GABBR2: variants seen among roughly 807,000 people sequenced by gnomAD.
GABBR2 encodes G-protein coupled receptor 51.
In GABBR2, 23 loss-of-function variants were observed where a neutral mutation model predicts 105.6. The ratio of observed to expected loss-of-function variants is 0.22; its 90% confidence interval spans 0.16 to 0.31. The LOEUF is 0.31. Ranked by LOEUF, GABBR2 falls within the 10% of genes least tolerant of loss-of-function variation. The probability of loss-of-function intolerance (pLI) is 1.00; values close to 1 mark genes in which losing one functional copy is unlikely to be tolerated. For synonymous variants in GABBR2, 478 were observed against 499.7 expected (o/e 0.96, Z 0.58); for missense variants, 734 against 1,245.5 (o/e 0.59, Z 6.18).
chr9:98,512,854 C>A (rs1347312771), intron 3 of GABBR2, among the ~76,000 whole-genome samples: 1 of 152,156 alleles, frequency 6.6e-6, no homozygotes, highest in African/African-American at 2.4e-5. Flanking sequence ...AGATTCAATG[C>A]CATCCTCATC....
intron 3 of GABBR2, among the ~76,000 whole-genome samples, chr9:98,504,939 C>A (rs1021885344): frequency 2.6e-5 from 4 of 152,176 alleles, no homozygotes; most frequent in African/African-American, 9.7e-5. Context: ...AAAAAATTAG[C>A]CTGGAGAGGT....
At chr9:98,565,664 A>G (rs1828741906) in intron 2 of GABBR2, among the ~76,000 whole-genome samples, 1 of 152,160 alleles carries the variant, frequency 6.6e-6, no homozygotes, top group African/African-American at 2.4e-5. Flanking sequence ...CACAGGAGGA[A>G]GAAGGAAGGC....
At chr9:98,293,055 G>A (rs1262295340) in intron 18 of GABBR2, among the ~76,000 whole-genome samples, 1 of 152,164 alleles carries the variant, frequency 6.6e-6, no homozygotes, top group Non-Finnish European at 1.5e-5. Flanking sequence ...TGCTGCAATT[G>A]GTGATTTGGC....
chr9:98,676,970 C>T (rs1160833107), intron 1 of GABBR2, among the ~76,000 whole-genome samples: 2 of 152,182 alleles, frequency 1.3e-5, no homozygotes, highest in Non-Finnish European at 2.9e-5. Flanking sequence ...GCACAGAAGT[C>T]TCTTGTGATG....
intron 2 of GABBR2, among the ~76,000 whole-genome samples, chr9:98,558,041 G>A (rs994369527): frequency 4.6e-5 from 7 of 152,244 alleles, no homozygotes; most frequent in African/African-American, 1.4e-4. Flanking sequence ...TACAGAATGA[G>A]TTAGACTTTT....
chr9:98,572,860 C>A (rs1428464473), intron 2 of GABBR2, among the ~76,000 whole-genome samples: 1 of 150,778 alleles, frequency 6.6e-6, no homozygotes, highest in African/African-American at 2.5e-5. Flanking sequence ...CAGTTCCAAG[C>A]CCCCCCAGCA....
At chr9:98,525,551 T>C (rs570369102) in intron 3 of GABBR2, among the ~76,000 whole-genome samples, 83 of 152,336 alleles carry the variant, frequency 5.4e-4, no homozygotes, top group African/African-American at 1.9e-3. Flanking sequence ...CCCTCATACC[T>C]TGCTGGTGGG....
chr9:98,673,837 G>A lies in GABBR2; in HGVS notation c.321+34580C>T, dbSNP rs555750847. Among the ~76,000 whole-genome samples the A allele has an allele frequency of 7.2e-5, 11 of 152,220 alleles. No individual in the cohort carries two copies. The East Asian group carries it at 1.5e-3, about 21-fold the overall frequency. Reference sequence around the variant, plus strand: ...ACACACAAGCCCTTGTCTGACCTACGCTCACTGCTAACACTTCAGCTGCTG... The same window carrying A: ...ACACACAAGCCCTTGTCTGACCTACACTCACTGCTAACACTTCAGCTGCTG... On this transcript the variant is annotated intron_variant, in intron 1 of 18. Transcript: ENST00000259455.
chr9:98,491,425 C>T (rs547274761), intron 4 of GABBR2, among the ~76,000 whole-genome samples: 3 of 152,316 alleles, frequency 2.0e-5, no homozygotes, highest in East Asian at 3.9e-4. Context: ...ATTTGAACTT[C>T]TGGTCAGAAT....
chr9:98,655,140 T>C (rs1830161893), intron 1 of GABBR2, among the ~76,000 whole-genome samples: 1 of 152,130 alleles, frequency 6.6e-6, no homozygotes, highest in African/African-American at 2.4e-5. Flanking sequence ...CTATGTAATA[T>C]GGTAATGGTG....
chr9:98,416,535 G>A (rs1451194986), intron 7 of GABBR2, among the ~76,000 whole-genome samples: 1 of 152,174 alleles, frequency 6.6e-6, no homozygotes, highest in African/African-American at 2.4e-5. Context: ...GGGATGATGG[G>A]GACTCCCTGC....
chr9:98,390,314 C>T (rs1832156046), intron 9 of GABBR2, among the ~76,000 whole-genome samples: 3 of 132,282 alleles, frequency 2.3e-5, no homozygotes, highest in East Asian at 2.2e-4. Flanking sequence ...ATGGAGGCTG[C>T]AGTGAGCCAA....
chr9:98,398,224 C>T (rs555097382), intron 8 of GABBR2, among the ~76,000 whole-genome samples: 29 of 152,210 alleles, frequency 1.9e-4, no homozygotes, highest in African/African-American at 6.0e-4. Flanking sequence ...GTTGAAAACA[C>T]GCACACTGAG....
At chr9:98,320,372 T>C (rs1407234204) in intron 13 of GABBR2, among the ~76,000 whole-genome samples, 1 of 151,878 alleles carries the variant, frequency 6.6e-6, no homozygotes, top group Non-Finnish European at 1.5e-5. Context: ...ACTTTTACAC[T>C]GTTGGTGGGA....
At chr9:98,303,171 A>G (rs1830496214) in intron 16 of GABBR2, 70 bp downstream of exon 16, 4 of 1,279,506 alleles carry the variant, frequency 3.1e-6, no homozygotes, top group Non-Finnish European at 4.4e-6. Flanking sequence ...GGAGCCTGAG[A>G]GTCCCCGCAC....
At chr9:98,673,288 C>T (rs1467369468) in intron 1 of GABBR2, among the ~76,000 whole-genome samples, 10 of 152,148 alleles carry the variant, frequency 6.6e-5, no homozygotes, top group African/African-American at 2.2e-4. Flanking sequence ...CAGCTGGCAC[C>T]AAGAAAATAA....
chr9:98,633,125 A>G (rs1421260593), intron 1 of GABBR2, among the ~76,000 whole-genome samples: 1 of 152,202 alleles, frequency 6.6e-6, no homozygotes, highest in East Asian at 1.9e-4. Context: ...CCCAGCTTGG[A>G]AAATTCCTGA....
intron 3 of GABBR2, among the ~76,000 whole-genome samples, chr9:98,534,087 T>C (rs1588215989): frequency 6.6e-6 from 1 of 152,166 alleles, no homozygotes; most frequent in African/African-American, 2.4e-5. Context: ...AAGGCCCTTT[T>C]GGTGGGGCAG....
intron 1 of GABBR2, among the ~76,000 whole-genome samples, chr9:98,597,973 C>T (rs1304526701): frequency 6.6e-6 from 1 of 151,980 alleles, no homozygotes; most frequent in Non-Finnish European, 1.5e-5. Flanking sequence ...ATGTGTGCAC[C>T]ACCACCTCCG....
Sources: gnomAD v4.1 joint callset for allele counts (sites outside exome capture counted in the v4.1 genomes callset) on GRCh38, gnomAD v4.1.1 for gene constraint, MANE v1.5 for transcripts, NCBI Gene and HGNC (gene_info 2026-07-23, HGNC 2026-07-21) for gene names.